The following CUEDC1 variants were observed in gnomAD, a reference collection of about 807,000 sequenced individuals.
The protein encoded by CUEDC1 is CUE domain-containing protein 1.
In CUEDC1, 30 loss-of-function variants were observed where a neutral mutation model predicts 43.7. The observed-to-expected ratio is 0.69, with a 90% CI of 0.51 to 0.93. The LOEUF is 0.93. Ranked by LOEUF, CUEDC1 falls within the 40% of genes least tolerant of loss-of-function variation. The pLI is 0.00. For synonymous variants in CUEDC1, 223 were observed against 223.6 expected (o/e 1.00, Z 0.02); for missense variants, 486 against 549.0 (o/e 0.89, Z 1.15).
chr17:57,875,595 C>G (rs1331612125), intron 3 of CUEDC1, among the ~76,000 whole-genome samples: 1 of 152,026 alleles, frequency 6.6e-6, no homozygotes, highest in Non-Finnish European at 1.5e-5. Context: ...AAAAAACTTC[C>G]AAGGCTGTAA....
At chr17:57,914,403 C>T (rs1329467204) in intron 1 of CUEDC1, among the ~76,000 whole-genome samples, 6 of 152,168 alleles carry the variant, frequency 3.9e-5, no homozygotes, top group African/African-American at 1.4e-4. Context: ...GAAGTCCTTG[C>T]TCCCTGTGCC....
intron 1 of CUEDC1, among the ~76,000 whole-genome samples, chr17:57,923,001 A>G (rs2074712777): frequency 6.7e-6 from 1 of 149,662 alleles, no homozygotes; most frequent in Admixed American, 6.7e-5. Context: ...TCATTTTTTG[A>G]TTTTTTATAG....
At chr17:57,928,103 G>C (rs1193554983) in intron 1 of CUEDC1, among the ~76,000 whole-genome samples, 1 of 152,210 alleles carries the variant, frequency 6.6e-6, no homozygotes, top group African/African-American at 2.4e-5. Flanking sequence ...GGTTCTTAGC[G>C]AAGGCTCTGT....
chr17:57,951,840 AG>A (rs1302730272), intron 1 of CUEDC1, among the ~76,000 whole-genome samples: 1 of 152,230 alleles, frequency 6.6e-6, no homozygotes, highest in Non-Finnish European at 1.5e-5. Flanking sequence ...ATTTATAAGA[AG>A]GGAGTTTATA....
At chr17:57,921,077 C>T (rs2074693571) in intron 1 of CUEDC1, among the ~76,000 whole-genome samples, 4 of 152,210 alleles carry the variant, frequency 2.6e-5, no homozygotes, top group Admixed American at 2.6e-4. Context: ...GTCAGCTATC[C>T]AGCCTCTGAC....
chr17:57,924,349 C>T (rs184181816), intron 1 of CUEDC1, among the ~76,000 whole-genome samples: 43 of 152,258 alleles, frequency 2.8e-4, no homozygotes, highest in Admixed American at 1.5e-3. Context: ...CGTGATCTGC[C>T]CGCCTCGGCC....
At chr17:57,942,845 G>T (rs915019229) in intron 1 of CUEDC1, among the ~76,000 whole-genome samples, 1 of 151,770 alleles carries the variant, frequency 6.6e-6, no homozygotes, top group Non-Finnish European at 1.5e-5. Context: ...TGGCTAACAC[G>T]GTGAAACCCC....
chr17:57,867,626 T>A (rs543765527), intron 8 of CUEDC1: 197 of 587,024 alleles, frequency 3.4e-4, no homozygotes, highest in Middle Eastern at 2.3e-3. Context: ...AGCTTACATC[T>A]CTGGGGATGG....
At chr17:57,944,096 T>C (rs750025509) in intron 1 of CUEDC1, among the ~76,000 whole-genome samples, 1 of 152,104 alleles carries the variant, frequency 6.6e-6, no homozygotes. Flanking sequence ...TACTGTCTCA[T>C]CTAGGATTGA....
intron 1 of CUEDC1, among the ~76,000 whole-genome samples, chr17:57,939,748 C>T (rs1432153895): frequency 6.6e-6 from 1 of 152,164 alleles, no homozygotes; most frequent in Non-Finnish European, 1.5e-5. Flanking sequence ...GCCCATCAGA[C>T]TCTCTCCTCA....
At chr17:57,911,492 CTCTTTTTTCTTTTTTCTTT>C (rs2074582568) in intron 1 of CUEDC1, among the ~76,000 whole-genome samples, 1 of 152,110 alleles carries the variant, frequency 6.6e-6, no homozygotes, top group African/African-American at 2.4e-5. Context: ...CCTACCAGCT[CTCTTTTTTCTTTTTTCTTT>C]TCTTTTTTTG....
At position 57,871,342 on chromosome 17, in the gene CUEDC1, G is replaced by A; in HGVS notation, c.812C>T (p.Ser271Phe). Residue 271 changes from serine to phenylalanine, a missense_variant, in exon 6 of 11, where the codon TCT becomes TTT. Coordinates refer to ENST00000577830, the MANE Select transcript of CUEDC1 (RefSeq NM_001271875.2). ...RDRLKYESQKSKSSSVAVGND... is the reference protein window; with the variant it reads ...RDRLKYESQKFKSSSVAVGND... ...TCCGACAGCCACGCTGCTGGATTTAGATTTCTGGGATTCGTATTTCAATCG... is the reference window on the plus strand; with the variant it reads ...TCCGACAGCCACGCTGCTGGATTTAAATTTCTGGGATTCGTATTTCAATCG... 2 of 1,614,052 alleles carry A rather than the reference G, an allele frequency of 1.2e-6. No homozygotes were observed. Among genetic ancestry groups the A allele is most frequent in the Admixed American group, 3.3e-5 (2 of 60,034 alleles).
intron 1 of CUEDC1, among the ~76,000 whole-genome samples, chr17:57,937,973 T>G (rs954566042): frequency 6.6e-6 from 1 of 151,328 alleles, no homozygotes; most frequent in African/African-American, 2.5e-5. Flanking sequence ...AGCCAAAAAA[T>G]AAAATAAAAT....
chr17:57,926,596 C>T lies in CUEDC1; in HGVS notation c.-316+28629G>A, dbSNP rs571952012. The stretch of plus-strand genomic sequence containing the variant: ...TCACTTGAGGCCAAGAGTTCAAGAC[C>T]AGCCTGGACAACATAGCAAGACCCT... On this transcript the variant is annotated intron_variant, in intron 1 of 10. Transcript: ENST00000577830. Among the ~76,000 whole-genome samples the T allele has an allele frequency of 2.6e-5, 4 of 152,186 alleles. No homozygotes were observed. The South Asian group carries it at 8.3e-4, about 32-fold the overall frequency.
intron 1 of CUEDC1, among the ~76,000 whole-genome samples, chr17:57,913,692 TA>T (rs1297452795): frequency 6.6e-6 from 1 of 152,166 alleles, no homozygotes; most frequent in Non-Finnish European, 1.5e-5. Flanking sequence ...CAGGGATTTC[TA>T]GCGAGGAAAT....
chr17:57,922,843 G>T (rs2074710532), intron 1 of CUEDC1, among the ~76,000 whole-genome samples: 2 of 151,476 alleles, frequency 1.3e-5, no homozygotes, highest in South Asian at 4.2e-4. Context: ...CAATCCAGCT[G>T]CACATTAGAA....
rs1436686473 is a variant in CUEDC1 at position 57,954,641 on chromosome 17, A to G, written c.-316+584T>C. Among the ~76,000 whole-genome samples the G allele has an allele frequency of 6.6e-6, 1 of 152,006 alleles. No homozygotes were observed. Among genetic ancestry groups the G allele is most frequent in the Non-Finnish European group, 1.5e-5 (1 of 67,994 alleles). Reference sequence around the variant, plus strand: ...TTCCCTGGCCGAGCTGACGGGAGATACAGCTCCCAGGGGACCGGGAGGGAC... The same window carrying G: ...TTCCCTGGCCGAGCTGACGGGAGATGCAGCTCCCAGGGGACCGGGAGGGAC... On this transcript the variant is annotated intron_variant, in intron 1 of 10. Coordinates refer to ENST00000577830, the MANE Select transcript of CUEDC1 (RefSeq NM_001271875.2). This position sits in a 1 kb window ranked among gnomAD's most constrained non-coding sequence, Gnocchi z 4.3.
chr17:57,946,789 G>T (rs2074963605), intron 1 of CUEDC1, among the ~76,000 whole-genome samples: 1 of 152,070 alleles, frequency 6.6e-6, no homozygotes, highest in Non-Finnish European at 1.5e-5. Context: ...TTGCACATCT[G>T]ATATCTTCAT....
intron 2 of CUEDC1, among the ~76,000 whole-genome samples, chr17:57,881,693 G>C (rs2074206901): frequency 6.6e-6 from 1 of 152,194 alleles, no homozygotes; most frequent in Non-Finnish European, 1.5e-5. Context: ...GTCCCCTAAA[G>C]GAAGCTGCTT....
Sources: gnomAD v4.1 joint callset for allele counts (sites outside exome capture counted in the v4.1 genomes callset) on GRCh38, gnomAD v4.1.1 for gene constraint, Gnocchi (gnomAD v3.1) non-coding constraint, MANE v1.5 for transcripts, NCBI Gene and HGNC (gene_info 2026-07-23, HGNC 2026-07-21) for gene names.